GAS7: variants seen among roughly 807,000 people sequenced by gnomAD.
GAS7 encodes the protein growth arrest specific 7, also known as growth arrest-specific protein 7.
GAS7 carries 28 observed loss-of-function variants against 71.1 expected under a neutral mutation model. The observed-to-expected ratio is 0.39, with a 90% CI of 0.29 to 0.54. The LOEUF (loss-of-function observed/expected upper bound fraction) is 0.54. Ranked by LOEUF, GAS7 falls within the 20% of genes least tolerant of loss-of-function variation. The pLI, the probability that GAS7 is intolerant of heterozygous loss-of-function variation, is 0.62. For missense variants in GAS7, 436 were observed against 627.8 expected, an observed-to-expected ratio of 0.69 and a Z score of 3.27; for synonymous variants, 258 against 245.8, an observed-to-expected ratio of 1.05 and a Z score of -0.46.
At chr17:9,938,660 G>A (rs1045819980) in intron 8 of GAS7, among the ~76,000 whole-genome samples, 3 of 151,590 alleles carry the variant, frequency 2.0e-5, no homozygotes, top group Admixed American at 6.6e-5. Context: ...CCAGAGCCAC[G>A]AGAAAATAAA....
At chr17:10,036,710 T>G (rs1184356732) in intron 1 of GAS7, 1 of 1,295,718 alleles carries the variant, frequency 7.7e-7, no homozygotes, top group Non-Finnish European at 9.8e-7. Flanking sequence ...GCTGGGAAAT[T>G]AACAACTTGT....
intron 1 of GAS7, among the ~76,000 whole-genome samples, chr17:10,044,683 C>A (rs548947751): frequency 1.3e-5 from 2 of 152,112 alleles, no homozygotes; most frequent in Admixed American, 1.3e-4. Flanking sequence ...AAAATATTTT[C>A]CAATATATTA....
At chr17:9,954,166 C>T (rs953839144) in intron 5 of GAS7, among the ~76,000 whole-genome samples, 5 of 152,158 alleles carry the variant, frequency 3.3e-5, no homozygotes, top group Non-Finnish European at 5.9e-5. Flanking sequence ...GTGGGGACCG[C>T]GTTGCTCGGT....
Position 9,913,833 on chromosome 17 carries a change from A to G in GAS7, c.*3395T>C. The G allele has an allele frequency of 4.4e-6, 1 of 225,336 alleles. No individual in the cohort carries two copies. The highest frequency in any genetic ancestry group is 2.2e-5 in the African/African-American group (1 of 44,598). 14.0% of individuals were successfully genotyped at this position (225,336 alleles called of 1,614,324 possible). On this transcript the variant is annotated 3_prime_UTR_variant, in exon 14 of 14. Transcript: ENST00000432992. Reference sequence around the variant, plus strand: ...CTTGGAACACCATTTGGCTTAAGGAATTTTTTTTTTCTTTTTAAATCAGGC... The same window carrying G: ...CTTGGAACACCATTTGGCTTAAGGAGTTTTTTTTTTCTTTTTAAATCAGGC...
chr17:10,057,056 G>A (rs1337250486), intron 1 of GAS7, among the ~76,000 whole-genome samples: 1 of 152,128 alleles, frequency 6.6e-6, no homozygotes, highest in African/African-American at 2.4e-5. Flanking sequence ...TCGGCCTCCC[G>A]AGGTGCCGTG....
intron 1 of GAS7, among the ~76,000 whole-genome samples, chr17:10,071,050 A>T (rs1453129630): frequency 6.6e-6 from 1 of 151,918 alleles, no homozygotes; most frequent in Non-Finnish European, 1.5e-5. Context: ...TGGCATCTGG[A>T]ACACCTGCTC....
At chr17:10,021,766 A>G (rs1476145236) in intron 1 of GAS7, among the ~76,000 whole-genome samples, 1 of 152,044 alleles carries the variant, frequency 6.6e-6, no homozygotes, top group Non-Finnish European at 1.5e-5. Flanking sequence ...ACTGCTTTGG[A>G]CTCTCCAGGA....
Position 9,959,557 on chromosome 17 carries a change from G to T in GAS7, c.472-302C>A. 3.7e-6 allele frequency: 3 copies of T among 818,674 alleles called. No individual in the cohort carries two copies. The highest frequency in any genetic ancestry group is 5.1e-6 in the Non-Finnish European group (3 of 590,676). 50.7% of individuals were successfully genotyped at this position (818,674 alleles called of 1,614,324 possible). A position where few individuals can be genotyped will look rare whatever the true frequency, so the allele number is the denominator to read the frequency against. The stretch of plus-strand genomic sequence containing the variant: ...TGTGATTTGGGGAGTTAACCCCTCC[G>T]CTGCCCTCTGCTGGTGAACGTTCCG... On this transcript the variant is annotated intron_variant, in intron 4 of 13. Transcript: ENST00000432992. The surrounding 1 kb of genome is among the most constrained non-coding windows in gnomAD (Gnocchi z 5.0).
intron 12 of GAS7, among the ~76,000 whole-genome samples, chr17:9,918,829 C>T (rs1405935440): frequency 1.3e-5 from 2 of 152,084 alleles, no homozygotes; most frequent in African/African-American, 4.8e-5. Context: ...AGGTCACTGC[C>T]CAGGTGATTA....
At chr17:10,016,384 C>CA (rs1217937101) in intron 2 of GAS7, among the ~76,000 whole-genome samples, 24,030 of 71,040 alleles carry the variant, frequency 0.34, 3,673 homozygotes, top group African/African-American at 0.39. Context: ...GACTCCGTCT[C>CA]AAAAAAAAAA....
At position 10,164,772 on chromosome 17, in the gene GAS7, T is replaced by C. The variant is rs2074280621; in HGVS notation, c.183+33436A>G. 2.0e-5 allele frequency among the ~76,000 whole-genome samples: 3 copies of C among 150,282 alleles called. No homozygotes were observed. The South Asian group carries it at 6.3e-4, about 32-fold the overall frequency. On this transcript the variant is annotated intron_variant, in intron 1 of 13. Transcript: ENST00000432992. ...CTTTGGGAGACTGAAGCAGAAGGATTGCTTGAGTCCAGGAGTTCAAGACAA... is the reference window on the plus strand; with the variant it reads ...CTTTGGGAGACTGAAGCAGAAGGATCGCTTGAGTCCAGGAGTTCAAGACAA...
chr17:10,028,124 C>T (rs1015881818), intron 1 of GAS7, among the ~76,000 whole-genome samples: 1 of 152,168 alleles, frequency 6.6e-6, no homozygotes, highest in Non-Finnish European at 1.5e-5. Context: ...AGGATGGTCT[C>T]GATCTCTTGA....
chr17:9,925,692 C>T (rs2067976821), intron 10 of GAS7, 93 bp from the exon 11 acceptor site: 25 of 1,415,856 alleles, frequency 1.8e-5, no homozygotes, highest in Middle Eastern at 1.9e-4. Flanking sequence ...GGAGTCCTTT[C>T]GCCCCTTGTT....
At chr17:10,123,822 C>G (rs1392566913) in intron 1 of GAS7, among the ~76,000 whole-genome samples, 2 of 152,236 alleles carry the variant, frequency 1.3e-5, no homozygotes, top group Admixed American at 6.5e-5. Context: ...CCTGGAACAG[C>G]TGATTTGAGA....
At chr17:10,160,939 TACACACACAC>T (rs61578754) in intron 1 of GAS7, among the ~76,000 whole-genome samples, 2,782 of 139,684 alleles carry the variant, frequency 0.02, 89 homozygotes, top group African/African-American at 0.07. Context: ...ATTGAAACCA[TACACACACAC>T]ACACACACAC....
chr17:9,938,988 C>T (rs555398099), intron 8 of GAS7, among the ~76,000 whole-genome samples: 2 of 152,294 alleles, frequency 1.3e-5, no homozygotes, highest in South Asian at 2.1e-4. Flanking sequence ...ATTCCATTGT[C>T]TATCCATGGG....
intron 1 of GAS7, among the ~76,000 whole-genome samples, chr17:10,169,326 AC>A (rs1355485132): frequency 6.6e-6 from 1 of 152,184 alleles, no homozygotes; most frequent in African/African-American, 2.4e-5. Flanking sequence ...ACAATGTAAA[AC>A]CTTGTAGACA....
chr17:9,995,977 A>T (rs2071025202), intron 2 of GAS7, among the ~76,000 whole-genome samples: 1 of 152,250 alleles, frequency 6.6e-6, no homozygotes. Flanking sequence ...CACTTTAACA[A>T]AAGGGCATAA....
intron 1 of GAS7, among the ~76,000 whole-genome samples, chr17:10,110,214 C>T (rs2073798085): frequency 6.6e-6 from 1 of 151,990 alleles, no homozygotes. Context: ...TTCTATTCAG[C>T]ATGAAAAAGA....
Sources: allele counts gnomAD v4.1 joint callset (sites outside exome capture counted in the v4.1 genomes callset), GRCh38; gene constraint gnomAD v4.1.1; non-coding constraint Gnocchi (gnomAD v3.1); transcripts MANE v1.5; gene names NCBI Gene and HGNC (gene_info 2026-07-23, HGNC 2026-07-21).